FARP2: variants seen among roughly 807,000 people sequenced by gnomAD.
FARP2 encodes FERM, ARH/RhoGEF and pleckstrin domain protein 2.
A neutral mutation model predicts 130.5 loss-of-function variants in FARP2; 111 were observed. The observed-to-expected ratio is 0.85, with a 90% CI of 0.73 to 1.00. The LOEUF (loss-of-function observed/expected upper bound fraction) is 1.00, where lower values mean the gene tolerates loss of function less well. FARP2 is among the 50% of genes least tolerant of loss of function. The pLI is 0.00. For synonymous variants in FARP2, 504 were observed against 516.9 expected (o/e 0.98, Z 0.34); for missense variants, 1,385 against 1,346.3 (o/e 1.03, Z -0.45).
chr2:241,493,026 A>G lies in FARP2; in HGVS notation c.2885A>G (p.Lys962Arg). The change falls in exon 25 of 27, where the codon AAA (lysine) becomes AGA (arginine). Residue 962 changes from lysine to arginine, a missense_variant. Lys to Arg is a conservative substitution (Grantham distance 26). Transcript: ENST00000264042. ...VFTNFCLFFY[K>R]THQDDYPLAS... Reference sequence around the variant, plus strand: ...ACCAACTTCTGTTTGTTCTTCTACAAAACTCATCAGGTACTGGAGTTTCAC... The same window carrying G: ...ACCAACTTCTGTTTGTTCTTCTACAGAACTCATCAGGTACTGGAGTTTCAC... 1 of 1,587,148 alleles carries G rather than the reference A, an allele frequency of 6.3e-7. No homozygotes were observed. The highest frequency in any genetic ancestry group is 8.7e-7 in the Non-Finnish European group (1 of 1,155,544).
chr2:241,466,101 G>C, intron 17 of FARP2: 5 of 1,089,688 alleles, frequency 4.6e-6, no homozygotes, highest in Non-Finnish European at 5.6e-6. Context: ...TTTAGCTCTG[G>C]GGAGGCAGCC....
chr2:241,391,844 A>G (rs544599390), intron 2 of FARP2, among the ~76,000 whole-genome samples: 3 of 152,308 alleles, frequency 2.0e-5, no homozygotes, highest in Non-Finnish European at 4.4e-5. Context: ...AGAGAATACC[A>G]TTGAATCGTT....
At chr2:241,364,153 G>A (rs377309442) in intron 1 of FARP2, among the ~76,000 whole-genome samples, 3 of 152,320 alleles carry the variant, frequency 2.0e-5, no homozygotes, top group South Asian at 2.1e-4. Context: ...TAAAAGCAGG[G>A]ATCTTCCTCC....
chr2:241,456,963 G>T (rs372369550), intron 14 of FARP2, 41 bp downstream of exon 14: 20 of 1,517,042 alleles, frequency 1.3e-5, no homozygotes, highest in African/African-American at 2.8e-5. Flanking sequence ...AGGGTTGCAG[G>T]GTGGGCCTGT....
At chr2:241,481,783 C>T (rs986102628) in intron 19 of FARP2, among the ~76,000 whole-genome samples, 1 of 152,188 alleles carries the variant, frequency 6.6e-6, no homozygotes, top group African/African-American at 2.4e-5. Flanking sequence ...AGAGTAGCTA[C>T]ATAGGCAAAG....
intron 11 of FARP2, among the ~76,000 whole-genome samples, chr2:241,435,502 G>A (rs1054517659): frequency 6.6e-5 from 10 of 150,664 alleles, no homozygotes; most frequent in Non-Finnish European, 1.2e-4. Context: ...AAAGAAAGTG[G>A]ATTTGTAATT....
intron 13 of FARP2, among the ~76,000 whole-genome samples, chr2:241,450,836 C>T (rs183638382): frequency 6.9e-4 from 105 of 152,286 alleles, no homozygotes; most frequent in Non-Finnish European, 1.4e-3. Flanking sequence ...CCTGTAATCC[C>T]CGCTACTTGG....
chr2:241,406,974 AT>A (rs1455701951), intron 4 of FARP2, among the ~76,000 whole-genome samples: 48 of 151,364 alleles, frequency 3.2e-4, no homozygotes, highest in Non-Finnish European at 6.8e-4. Flanking sequence ...CGCCCGGCTA[AT>A]TTTTTTGTAT....
intron 2 of FARP2, among the ~76,000 whole-genome samples, chr2:241,382,290 C>CAATTTT (rs1553709362): frequency 7.9e-6 from 1 of 127,198 alleles, no homozygotes; most frequent in African/African-American, 2.8e-5. Flanking sequence ...TGTACAAAAT[C>CAATTTT]TATTTTTTTT....
In FARP2 at chr2:241,482,292, C is replaced by T. The variant is rs2064635176; in HGVS notation, c.2263-1173C>T. Among the ~76,000 whole-genome samples the T allele has an allele frequency of 6.6e-6, 1 of 152,134 alleles. No individual in the cohort carries two copies. Among genetic ancestry groups the T allele is most frequent in the Non-Finnish European group, 1.5e-5 (1 of 68,020 alleles). ...CGGGGCCAGTGCATGGTGGAGAAGG[C>T]GCCCCGTGGGTCTGGGACGCACATC... On this transcript the variant is annotated intron_variant, in intron 19 of 26. Transcript: ENST00000264042. This position sits in a 1 kb window ranked among gnomAD's most constrained non-coding sequence, Gnocchi z 4.6.
Position 241,461,118 on chromosome 2 carries a change from C to G in FARP2, c.1588-1405C>G, listed in dbSNP as rs2064005364. On this transcript the variant is annotated intron_variant, in intron 14 of 26. Coordinates refer to ENST00000264042, the MANE Select transcript of FARP2 (RefSeq NM_014808.4). ...CTCAGCTACTTGCTCACTTGCAAACCCAGCTCCTGATACTCCTCCCAAACC... is the reference window on the plus strand; with the variant it reads ...CTCAGCTACTTGCTCACTTGCAAACGCAGCTCCTGATACTCCTCCCAAACC... 2.0e-5 allele frequency among the ~76,000 whole-genome samples: 3 copies of G among 152,128 alleles called. 1 individual carries two copies. The highest frequency in any genetic ancestry group is 1.3e-4 in the Admixed American group (2 of 15,268).
intron 18 of FARP2, among the ~76,000 whole-genome samples, chr2:241,468,821 A>G (rs961143868): frequency 4.6e-5 from 7 of 152,290 alleles, no homozygotes; most frequent in African/African-American, 1.7e-4. Flanking sequence ...AGATTGGGCC[A>G]AGGTGACCTG....
chr2:241,407,311 C>G (rs1179557904), intron 4 of FARP2, among the ~76,000 whole-genome samples: 1 of 152,164 alleles, frequency 6.6e-6, no homozygotes, highest in Non-Finnish European at 1.5e-5. Context: ...ACTGCAACCT[C>G]AGACTGCTGG....
intron 13 of FARP2, among the ~76,000 whole-genome samples, chr2:241,447,335 A>G (rs2063535198): frequency 6.6e-6 from 1 of 152,160 alleles, no homozygotes. Flanking sequence ...TCTTGTTTTA[A>G]TATGGGTGAT....
At chr2:241,484,985 C>A (rs571431421) in intron 21 of FARP2, among the ~76,000 whole-genome samples, 3 of 152,140 alleles carry the variant, frequency 2.0e-5, no homozygotes, top group Admixed American at 6.5e-5. Context: ...GTGACTGTCT[C>A]TCCCCATGGG....
chr2:241,441,903 G>A (rs2063393875), intron 13 of FARP2: 1 of 390,736 alleles, frequency 2.6e-6, no homozygotes. Flanking sequence ...AGGAATCTCA[G>A]GCCTCTGCCC....
At chr2:241,488,592 G>A (rs1574914524) in intron 21 of FARP2, 1 of 151,806 alleles carries the variant, frequency 6.6e-6, no homozygotes, top group Admixed American at 6.6e-5. Flanking sequence ...AGTAGAGACG[G>A]GGTTTCACCG....
At chr2:241,456,551 A>G (rs1000527357) in intron 13 of FARP2, 196 bp from the exon 14 acceptor site, 3 of 592,578 alleles carry the variant, frequency 5.1e-6, no homozygotes, top group African/African-American at 3.9e-5. Flanking sequence ...GGGTAGATGA[A>G]CCATCAACCC....
rs555252327 is a variant in FARP2 at position 241,414,096 on chromosome 2, G to A, written c.623+675G>A. On this transcript the variant is annotated intron_variant, in intron 7 of 26. Coordinates refer to ENST00000264042, the MANE Select transcript of FARP2 (RefSeq NM_014808.4). ...TCTACGGGGAAGACACTGTGCTGTG[G>A]TAGAGGAGGAGGGGACTGTGTGAGG... 1.7e-4 allele frequency among the ~76,000 whole-genome samples: 26 copies of A among 152,254 alleles called. No individual in the cohort carries two copies. In the East Asian group the frequency reaches 4.8e-3, roughly 28 times the overall value.
Sources: gnomAD v4.1 joint callset for allele counts (sites outside exome capture counted in the v4.1 genomes callset) on GRCh38, gnomAD v4.1.1 for gene constraint, Gnocchi (gnomAD v3.1) non-coding constraint, MANE v1.5 for transcripts, NCBI Gene and HGNC (gene_info 2026-07-23, HGNC 2026-07-21) for gene names.